The following LRRC18 variants were observed in gnomAD, a reference collection of about 807,000 sequenced individuals.
The protein encoded by LRRC18 is leucine rich repeat containing 18.
Under a neutral mutation model 11.2 loss-of-function variants are expected in LRRC18, and 12 were observed. The observed-to-expected ratio is 1.07, with a 90% CI of 0.69 to 1.74. The LOEUF is 1.74. Ranked by LOEUF, LRRC18 falls within the 40% of genes most tolerant of loss-of-function variation. The pLI, the probability that LRRC18 is intolerant of heterozygous loss-of-function variation, is 0.00. For missense variants in LRRC18, 374 were observed against 330.5 expected, an observed-to-expected ratio of 1.13 and a Z score of -1.02; for synonymous variants, 155 against 130.6, an observed-to-expected ratio of 1.19 and a Z score of -1.27.
At chr10:48,924,488 A>T in the LRRC18 span, among the ~76,000 whole-genome samples, 2 of 152,252 alleles carry the variant, frequency 1.3e-5, no homozygotes, top group Non-Finnish European at 2.9e-5. Context: ...AAGCAGATAG[A>T]TGGGCGAATA....
upstream of LRRC18, among the ~76,000 whole-genome samples, chr10:48,916,871 ATGTGTGTGTGTGTGTGTG>A (rs55891907): frequency 1.1e-4 from 16 of 149,282 alleles, no homozygotes; most frequent in African/African-American, 4.9e-5. Context: ...CTTTAAAAAT[ATGTGTGTGTGTGTGTGTG>A]TGTGTGTGTG....
upstream of LRRC18, among the ~76,000 whole-genome samples, chr10:48,914,865 A>C (rs1326813541): frequency 1.3e-5 from 2 of 152,180 alleles, no homozygotes; most frequent in African/African-American, 4.8e-5. Flanking sequence ...TCATGAGCAC[A>C]CAGGGGGATG....
the LRRC18 span, among the ~76,000 whole-genome samples, chr10:48,923,056 TA>T: frequency 6.6e-6 from 1 of 152,186 alleles, no homozygotes; most frequent in African/African-American, 2.4e-5. Context: ...AAATCGTTTT[TA>T]AAAAAACTTT....
the LRRC18 span, among the ~76,000 whole-genome samples, chr10:48,937,424 T>C: frequency 1.3e-5 from 2 of 152,198 alleles, no homozygotes; most frequent in South Asian, 4.2e-4. Flanking sequence ...TGGCAGGTGC[T>C]CTGAACAGTC....
At chr10:48,913,402 C>T in exon 1 of LRRC18, 1 of 1,611,632 alleles carries the variant, frequency 6.2e-7, no homozygotes, top group Non-Finnish European at 8.5e-7. Flanking sequence ...CTCCAGTCTT[C>T]CCAGGAGTCC....
At chr10:48,929,110 G>C in the LRRC18 span, among the ~76,000 whole-genome samples, 1 of 152,182 alleles carries the variant, frequency 6.6e-6, no homozygotes, top group Non-Finnish European at 1.5e-5. Context: ...TTGAGAAGAT[G>C]ATACCTGAGC....
At chr10:48,932,339 T>C in the LRRC18 span, 1 of 151,984 alleles carries the variant, frequency 6.6e-6, no homozygotes. Flanking sequence ...GATGGAGGAG[T>C]TGGAGAACAA....
chr10:48,910,073 T>G lies in LRRC18; in HGVS notation c.*164A>C, dbSNP rs1176803099. ...ACAGGTGGGCTAAAGCTAAGGGAGG[T>G]GAAGTGAATTTGAGAAGCAAGTCGG... On this transcript the variant is annotated 3_prime_UTR_variant, in exon 2 of 2. Coordinates refer to ENST00000374160, the Ensembl canonical transcript of LRRC18. 11 of 643,474 alleles carry G rather than the reference T, an allele frequency of 1.7e-5. No individual in the cohort carries two copies. The Admixed American group carries it at 2.5e-4, about 15-fold the overall frequency. 39.9% of individuals were successfully genotyped at this position (643,474 alleles called of 1,614,324 possible). A position where few individuals can be genotyped will look rare whatever the true frequency, so the allele number is the denominator to read the frequency against.
At chr10:48,921,341 GA>G in the LRRC18 span, among the ~76,000 whole-genome samples, 2 of 151,980 alleles carry the variant, frequency 1.3e-5, no homozygotes, top group Non-Finnish European at 2.9e-5. Context: ...ATTGATTTTT[GA>G]AAAAAGGTCA....
the LRRC18 span, among the ~76,000 whole-genome samples, chr10:48,930,688 TA>T: frequency 5.3e-5 from 8 of 151,208 alleles, no homozygotes; most frequent in South Asian, 2.1e-4. Flanking sequence ...TTTAAAATAG[TA>T]AAAAAAAATT....
At chr10:48,920,314 A>G in the LRRC18 span, among the ~76,000 whole-genome samples, 1 of 151,482 alleles carries the variant, frequency 6.6e-6, no homozygotes, top group Admixed American at 6.6e-5. Flanking sequence ...GGAATTGAAC[A>G]ATGAGAACAC....
intron 1 of LRRC18, among the ~76,000 whole-genome samples, chr10:48,913,082 C>T (rs996675560): frequency 2.3e-4 from 35 of 152,120 alleles, no homozygotes; most frequent in African/African-American, 7.5e-4. Flanking sequence ...GCTGCTTAGG[C>T]CACAGTGGTA....
chr10:48,910,078 T>A, exon 2 of LRRC18: 1 of 661,164 alleles, frequency 1.5e-6, no homozygotes, highest in Non-Finnish European at 2.8e-6. Flanking sequence ...GGAGGTGAAG[T>A]GAATTTGAGA....
the LRRC18 span, among the ~76,000 whole-genome samples, chr10:48,922,643 G>C: frequency 6.6e-6 from 1 of 152,160 alleles, no homozygotes; most frequent in Admixed American, 6.5e-5. Context: ...AGTGGTTTCA[G>C]GTATTCAATG....
chr10:48,917,185 C>T (rs1838628998), upstream of LRRC18, among the ~76,000 whole-genome samples: 1 of 152,140 alleles, frequency 6.6e-6, no homozygotes, highest in Non-Finnish European at 1.5e-5. Context: ...TTGATGTTCA[C>T]ATAATGATGA....
At chr10:48,912,922 C>T (rs1219388400) in intron 1 of LRRC18, among the ~76,000 whole-genome samples, 7 of 152,250 alleles carry the variant, frequency 4.6e-5, no homozygotes, top group African/African-American at 1.7e-4. Flanking sequence ...TACCCAACAC[C>T]AAGTGCTCAT....
chr10:48,922,656 G>T, the LRRC18 span, among the ~76,000 whole-genome samples: 1 of 152,254 alleles, frequency 6.6e-6, no homozygotes, highest in East Asian at 1.9e-4. Flanking sequence ...ATTCAATGGG[G>T]GTCTTAGAAC....
chr10:48,936,699 A>C, the LRRC18 span, among the ~76,000 whole-genome samples: 1 of 151,550 alleles, frequency 6.6e-6, no homozygotes. Flanking sequence ...TTAGTTGGGC[A>C]TTGTGGCAAG....
At chr10:48,922,321 G>A in the LRRC18 span, among the ~76,000 whole-genome samples, 5 of 152,126 alleles carry the variant, frequency 3.3e-5, no homozygotes, top group Non-Finnish European at 1.5e-5. Context: ...CTGCCTGTTC[G>A]TCACTTAGTA....
Sources: allele counts gnomAD v4.1 joint callset (sites outside exome capture counted in the v4.1 genomes callset), GRCh38; gene constraint gnomAD v4.1.1; transcripts MANE v1.5; gene names NCBI Gene and HGNC (gene_info 2026-07-23, HGNC 2026-07-21).